CNTN5: variants seen among roughly 807,000 people sequenced by gnomAD.
The protein encoded by CNTN5 is contactin-5.
A neutral mutation model predicts 129.1 loss-of-function variants in CNTN5; 77 were observed. The ratio of observed to expected loss-of-function variants is 0.60; its 90% CI spans 0.50 to 0.72. The LOEUF (loss-of-function observed/expected upper bound fraction) is 0.72. Among genes scored for constraint, CNTN5 ranks in the 30% least tolerant of loss-of-function variants. The probability of loss-of-function intolerance (pLI) is 0.00; values close to 1 mark genes in which losing one functional copy is unlikely to be tolerated. For synonymous variants in CNTN5, 509 were observed against 465.6 expected (o/e 1.09, Z -1.20); for missense variants, 1,478 against 1,328.8 (o/e 1.11, Z -1.75).
At chr11:100,291,894 A>G (rs1950987482) in intron 18 of CNTN5, among the ~76,000 whole-genome samples, 1 of 151,528 alleles carries the variant, frequency 6.6e-6, no homozygotes, top group African/African-American at 2.4e-5. Flanking sequence ...ACAAACAAAC[A>G]ACAACAAAAA....
At chr11:99,128,203 C>G (rs1954821) in intron 1 of CNTN5, among the ~76,000 whole-genome samples, 111,004 of 152,052 alleles carry the variant, frequency 0.73, 40,858 homozygotes, top group Middle Eastern at 0.76. Flanking sequence ...GAAATCCCTG[C>G]TGGCCAGCAC....
chr11:100,270,494 T>C (rs1345171845), intron 17 of CNTN5, among the ~76,000 whole-genome samples: 1 of 152,198 alleles, frequency 6.6e-6, no homozygotes, highest in Middle Eastern at 3.2e-3. Flanking sequence ...AAATAAAGCA[T>C]GCATGCCATG....
Position 100,101,756 on chromosome 11 carries a change from G to A in CNTN5, c.1580+27462G>A, listed in dbSNP as rs541535332. Among the ~76,000 whole-genome samples, 4 of 152,024 alleles carry A rather than the reference G, an allele frequency of 2.6e-5. No homozygotes were observed. In the East Asian group the frequency reaches 5.8e-4, roughly 22 times the overall value. On this transcript the variant is annotated intron_variant, in intron 13 of 24. Transcript: ENST00000524871. ...TCCCAGACTTTCCCTCTGAGTCTCC[G>A]AAGTCCATTCTACAATTCTTATGCC...
At chr11:99,771,770 T>G (rs1182152240) in intron 3 of CNTN5, among the ~76,000 whole-genome samples, 1 of 151,978 alleles carries the variant, frequency 6.6e-6, no homozygotes. Context: ...AACTTGAAAT[T>G]TGCTAAGATG....
chr11:99,668,219 C>T (rs1952878697), intron 3 of CNTN5, among the ~76,000 whole-genome samples: 1 of 152,114 alleles, frequency 6.6e-6, no homozygotes, highest in Non-Finnish European at 1.5e-5. Context: ...TAGGACACAA[C>T]TAGGCAGTGT....
chr11:99,337,600 C>G (rs972063482), intron 2 of CNTN5, among the ~76,000 whole-genome samples: 12 of 152,096 alleles, frequency 7.9e-5, no homozygotes, highest in Non-Finnish European at 4.4e-5. Context: ...CCCTCATTCC[C>G]GTAAACCCAC....
intron 2 of CNTN5, among the ~76,000 whole-genome samples, chr11:99,497,704 T>C (rs1459632245): frequency 6.6e-6 from 1 of 152,162 alleles, no homozygotes; most frequent in African/African-American, 2.4e-5. Flanking sequence ...TGTTTGAAAT[T>C]GGAGACTTCT....
intron 2 of CNTN5, among the ~76,000 whole-genome samples, chr11:99,514,805 T>G (rs1946983663): frequency 6.6e-6 from 1 of 152,216 alleles, no homozygotes; most frequent in Non-Finnish European, 1.5e-5. Flanking sequence ...ATATTTGCTT[T>G]ATTGCAGTAG....
At chr11:100,149,077 T>G (rs898660914) in intron 13 of CNTN5, among the ~76,000 whole-genome samples, 8 of 152,154 alleles carry the variant, frequency 5.3e-5, no homozygotes, top group Non-Finnish European at 1.2e-4. Flanking sequence ...AGTTAATAGA[T>G]TTTAGGAAGA....
intron 3 of CNTN5, among the ~76,000 whole-genome samples, chr11:99,759,442 T>G (rs920296531): frequency 6.6e-6 from 1 of 152,046 alleles, no homozygotes; most frequent in Non-Finnish European, 1.5e-5. Flanking sequence ...TAGGGGGCAA[T>G]GAAATTATGA....
In CNTN5 at chr11:99,850,177, G is replaced by A. The variant is rs557725144; in HGVS notation, c.577+4915G>A. ...CCAGATCTGGAATTTTGGGCTTATA[G>A]TAATTTTGATGTGTAATCACTCTTT... On this transcript the variant is annotated intron_variant, in intron 6 of 24. Transcript: ENST00000524871. Among the ~76,000 whole-genome samples the A allele has an allele frequency of 2.0e-5, 3 of 152,180 alleles. No individual in the cohort carries two copies. In the South Asian group the frequency reaches 6.2e-4, roughly 32 times the overall value.
intron 2 of CNTN5, among the ~76,000 whole-genome samples, chr11:99,373,296 G>C (rs1939943269): frequency 6.6e-6 from 1 of 152,166 alleles, no homozygotes; most frequent in Non-Finnish European, 1.5e-5. Context: ...GAAAGCAGAA[G>C]ATAAGAGAAG....
intron 3 of CNTN5, among the ~76,000 whole-genome samples, chr11:99,793,122 C>T (rs910606706): frequency 6.6e-6 from 1 of 151,646 alleles, no homozygotes; most frequent in African/African-American, 2.4e-5. Context: ...TGCAGTGGCG[C>T]AATCTCGGCT....
intron 4 of CNTN5, among the ~76,000 whole-genome samples, chr11:99,829,585 G>C (rs1947072618): frequency 6.6e-6 from 1 of 152,154 alleles, no homozygotes; most frequent in Non-Finnish European, 1.5e-5. Context: ...AAAGTCCTCA[G>C]TATCTACTCT....
chr11:99,071,579 ATATC>A (rs1336540622), intron 1 of CNTN5, among the ~76,000 whole-genome samples: 3 of 152,196 alleles, frequency 2.0e-5, no homozygotes, highest in African/African-American at 7.2e-5. Context: ...AAGCTGGAAT[ATATC>A]TAACTTAAGT....
At chr11:100,349,358 A>G (rs1340218147) in intron 23 of CNTN5, among the ~76,000 whole-genome samples, 2 of 151,946 alleles carry the variant, frequency 1.3e-5, no homozygotes, top group Non-Finnish European at 2.9e-5. Flanking sequence ...TTTATGATGC[A>G]CTTGAAATAC....
chr11:100,011,924 C>T (rs891449313), intron 9 of CNTN5, among the ~76,000 whole-genome samples: 2 of 152,086 alleles, frequency 1.3e-5, no homozygotes, highest in South Asian at 2.1e-4. Flanking sequence ...AACTGGCAAA[C>T]GTTCCTGGAA....
rs139954979 is a variant in CNTN5 at position 99,060,652 on chromosome 11, C to A, written c.-210+39382C>A. On this transcript the variant is annotated intron_variant, in intron 1 of 24. Transcript: ENST00000524871. ...CTATGCAAGAAATTTGCTCATAGAC[C>A]TATAGGGCACAAAAAGAAAAAAGAA... is the stretch of plus-strand genomic sequence containing the variant. 2.8e-3 allele frequency among the ~76,000 whole-genome samples: 429 copies of A among 151,448 alleles called. 1 individual carries two copies. Among genetic ancestry groups the A allele is most frequent in the African/African-American group, 0.01 (416 of 41,272 alleles).
At chr11:100,187,156 T>A (rs1840041) in intron 13 of CNTN5, among the ~76,000 whole-genome samples, 2 of 151,818 alleles carry the variant, frequency 1.3e-5, no homozygotes, top group South Asian at 2.1e-4. Flanking sequence ...TTTTTGCAGC[T>A]ATTGTAAATG....
Sources: gnomAD v4.1 joint callset for allele counts (sites outside exome capture counted in the v4.1 genomes callset) on GRCh38, gnomAD v4.1.1 for gene constraint, MANE v1.5 for transcripts, NCBI Gene and HGNC (gene_info 2026-07-23, HGNC 2026-07-21) for gene names.